The following MYRIP variants were observed in gnomAD, a reference collection of about 807,000 sequenced individuals.
The protein encoded by MYRIP is myosin VIIA and Rab interacting protein.
A neutral mutation model predicts 98.0 loss-of-function variants in MYRIP; 49 were observed. The ratio of observed to expected loss-of-function variants is 0.50; its 90% CI spans 0.40 to 0.63. MYRIP has a LOEUF of 0.63. MYRIP is among the 30% of genes least tolerant of loss of function. The pLI is 0.00. For missense variants in MYRIP, 1,004 were observed against 1,058.2 expected, an observed-to-expected ratio of 0.95 and a Z score of 0.71; for synonymous variants, 404 against 409.5, an observed-to-expected ratio of 0.99 and a Z score of 0.16.
At chr3:39,969,809 C>T (rs1021975118) in intron 2 of MYRIP, among the ~76,000 whole-genome samples, 1 of 152,046 alleles carries the variant, frequency 6.6e-6, no homozygotes, top group Admixed American at 6.6e-5. Flanking sequence ...TCTGTCAGGC[C>T]TTGGTATGAA....
rs1945410489 is a variant in MYRIP at position 39,965,102 on chromosome 3, T to G, written c.110+64176T>G. 2.0e-5 allele frequency among the ~76,000 whole-genome samples: 3 copies of G among 152,068 alleles called. No individual in the cohort carries two copies. The South Asian group carries it at 6.2e-4, about 31-fold the overall frequency. On this transcript the variant is annotated intron_variant, in intron 2 of 16. Transcript: ENST00000302541. The stretch of plus-strand genomic sequence containing the variant: ...AGAGCAGTAATAATTCTTTATAATT[T>G]TTTCTCCATGTCTTTCCATAAATTT...
rs1951153833 is a variant in MYRIP at position 40,189,907 on chromosome 3, C to A, written c.1109C>A (p.Ala370Asp). The change falls in exon 10 of 17, where the codon GCC (alanine) becomes GAC (aspartate). Residue 370 changes from alanine (A) to aspartate (D), a missense_variant. Coordinates refer to ENST00000302541, the MANE Select transcript of MYRIP (RefSeq NM_015460.4). Reference protein sequence around the residue: ...DGAPPPTRLLAKPKSGTFQAL... With the variant: ...DGAPPPTRLLDKPKSGTFQAL... ...GCTCCACCCCCCACCCGACTACTGG[C>A]CAAACCTAAGAGCGGGACGTTTCAG... 6.2e-7 allele frequency: 1 copy of A among 1,614,202 alleles called. No homozygotes were observed. Among genetic ancestry groups the A allele is most frequent in the Non-Finnish European group, 8.5e-7 (1 of 1,180,046 alleles).
chr3:39,926,273 A>G (rs1212133545), intron 2 of MYRIP, among the ~76,000 whole-genome samples: 1 of 152,024 alleles, frequency 6.6e-6, no homozygotes, highest in Non-Finnish European at 1.5e-5. Flanking sequence ...ATTTTCTCCC[A>G]TTCTGTGGGT....
At position 39,811,193 on chromosome 3, in the gene MYRIP, C is replaced by G. The variant is rs551125083; in HGVS notation, c.-31+1277C>G. ...CTTGTCCCTTCAACTCAGCCTCCCC[C>G]ACCCCAACTCTGAAACTCAGCCATG... On this transcript the variant is annotated intron_variant, in intron 1 of 16. Transcript: ENST00000302541. Among the ~76,000 whole-genome samples the G allele has an allele frequency of 2.2e-4, 33 of 152,266 alleles. No homozygotes were observed. The South Asian group carries it at 3.9e-3, about 18-fold the overall frequency.
intron 3 of MYRIP, among the ~76,000 whole-genome samples, chr3:40,121,733 A>G (rs953624500): frequency 6.6e-6 from 1 of 152,360 alleles, no homozygotes; most frequent in Non-Finnish European, 1.5e-5. Context: ...CAAAAAACTC[A>G]GTAGTAGAGA....
chr3:39,854,909 T>C (rs1242228666), intron 1 of MYRIP, among the ~76,000 whole-genome samples: 1 of 152,130 alleles, frequency 6.6e-6, no homozygotes, highest in Non-Finnish European at 1.5e-5. Context: ...TTGTTATTGC[T>C]CTTCTGGGTC....
chr3:39,977,092 T>C (rs916398806), intron 2 of MYRIP, among the ~76,000 whole-genome samples: 1 of 152,030 alleles, frequency 6.6e-6, no homozygotes, highest in African/African-American at 2.4e-5. Flanking sequence ...CTTTATATTC[T>C]AAATTTCCTT....
intron 2 of MYRIP, among the ~76,000 whole-genome samples, chr3:39,915,352 T>C (rs1370527225): frequency 1.3e-5 from 2 of 152,038 alleles, no homozygotes; most frequent in Non-Finnish European, 2.9e-5. Flanking sequence ...ATCAACCCCT[T>C]TTAATAGACA....
At chr3:39,824,708 G>GT (rs796535868) in intron 1 of MYRIP, among the ~76,000 whole-genome samples, 2,547 of 144,642 alleles carry the variant, frequency 0.018, 53 homozygotes, top group African/African-American at 0.057. Flanking sequence ...CCGACTGATC[G>GT]TTTTTTTTTT....
Position 40,260,037 on chromosome 3 carries a change from G to C in MYRIP, c.*1871G>C, listed in dbSNP as rs1953716173. 1 of 152,632 alleles carries C rather than the reference G, an allele frequency of 6.6e-6. No homozygotes were observed. Among genetic ancestry groups the C allele is most frequent in the South Asian group, 2.1e-4 (1 of 4,830 alleles). The allele number at this position is 152,632 out of a possible 1,614,324, so 9.5% of individuals were successfully genotyped here. The stretch of plus-strand genomic sequence containing the variant: ...TCTGAACTTTTATAAAGGTTTCCTT[G>C]TGCCAAATAAGTGCAAAGATTTAAT... On this transcript the variant is annotated 3_prime_UTR_variant, in exon 17 of 17. Coordinates refer to ENST00000302541, the MANE Select transcript of MYRIP (RefSeq NM_015460.4).
intron 1 of MYRIP, among the ~76,000 whole-genome samples, chr3:39,852,548 T>C (rs113336133): frequency 1.8e-4 from 26 of 147,682 alleles, no homozygotes; most frequent in African/African-American, 7.0e-4. Context: ...ACTCCCCCCT[T>C]CCCCCTGAGT....
intron 1 of MYRIP, among the ~76,000 whole-genome samples, chr3:39,862,546 A>G (rs2125619963): frequency 6.6e-6 from 1 of 152,382 alleles, no homozygotes; most frequent in Non-Finnish European, 1.5e-5. Context: ...AAAAAAGTCA[A>G]AGAAGGCATT....
intron 11 of MYRIP, among the ~76,000 whole-genome samples, chr3:40,222,215 T>G (rs563578552): frequency 6.6e-6 from 1 of 152,198 alleles, no homozygotes; most frequent in Non-Finnish European, 1.5e-5. Flanking sequence ...CATATTTACA[T>G]AAATATAGTA....
chr3:40,249,277 T>G (rs1953298379), intron 13 of MYRIP, among the ~76,000 whole-genome samples: 1 of 152,186 alleles, frequency 6.6e-6, no homozygotes, highest in Admixed American at 6.5e-5. Flanking sequence ...CCTCTTCCCT[T>G]GACTCTGCTA....
At chr3:39,829,783 A>G (rs1273537825) in intron 1 of MYRIP, among the ~76,000 whole-genome samples, 1 of 152,196 alleles carries the variant, frequency 6.6e-6, no homozygotes, top group African/African-American at 2.4e-5. Flanking sequence ...AAAAAATTGC[A>G]TGAGTTGCTG....
intron 3 of MYRIP, among the ~76,000 whole-genome samples, chr3:40,114,109 C>A (rs1283294747): frequency 6.6e-6 from 1 of 152,202 alleles, no homozygotes; most frequent in African/African-American, 2.4e-5. Flanking sequence ...TTTTCTGCAA[C>A]ACAGAATATA....
chr3:39,867,341 C>T (rs1903045), intron 1 of MYRIP, among the ~76,000 whole-genome samples: 16 of 152,106 alleles, frequency 1.1e-4, no homozygotes, highest in Non-Finnish European at 2.1e-4. Context: ...TAAAAAGCTT[C>T]TGCATAGCAA....
chr3:39,993,196 C>A (rs531900010), intron 2 of MYRIP, among the ~76,000 whole-genome samples: 46 of 152,122 alleles, frequency 3.0e-4, no homozygotes, highest in Non-Finnish European at 6.2e-4. Context: ...GGAGCTGAAC[C>A]TGTCCTTTTA....
intron 2 of MYRIP, among the ~76,000 whole-genome samples, chr3:40,001,310 C>T (rs1946515111): frequency 6.6e-6 from 1 of 152,114 alleles, no homozygotes; most frequent in Non-Finnish European, 1.5e-5. Flanking sequence ...TAAACAGAGC[C>T]ATGAGACAGT....
Sources: allele counts gnomAD v4.1 joint callset (sites outside exome capture counted in the v4.1 genomes callset), GRCh38; gene constraint gnomAD v4.1.1; transcripts MANE v1.5; gene names NCBI Gene and HGNC (gene_info 2026-07-23, HGNC 2026-07-21).